The following DNAH2 variants were observed in gnomAD, a reference collection of about 807,000 sequenced individuals.
DNAH2 encodes the protein axonemal beta dynein heavy chain 2.
A neutral mutation model predicts 523.5 loss-of-function variants in DNAH2; 323 were observed. The observed-to-expected ratio is 0.62, with a 90% CI of 0.56 to 0.68. The LOEUF is 0.68. Among genes scored for constraint, DNAH2 ranks in the 30% least tolerant of loss-of-function variants. The pLI, the probability that DNAH2 is intolerant of heterozygous loss-of-function variation, is 0.00. For missense variants in DNAH2, 4,907 were observed against 5,701.5 expected (o/e 0.86, Z 4.49); for synonymous variants, 2,093 against 2,177.4 (o/e 0.96, Z 1.08).
rs1257323535 is a variant in DNAH2 at position 7,780,666 on chromosome 17, G to T, written c.5887G>T (p.Ala1963Ser). The change falls in exon 38 of 86, where the codon GCT becomes TCT. Residue 1963 changes from alanine to serine, a missense_variant. Transcript: ENST00000572933. This position sits in a 1 kb window ranked among gnomAD's most constrained non-coding sequence, Gnocchi z 4.4. ...GAAGGTGTACACACTCTACTCACTGGCTGTGCAGCAGCTGTCCAGACAGGA... is the reference window on the plus strand; with the variant it reads ...GAAGGTGTACACACTCTACTCACTGTCTGTGCAGCAGCTGTCCAGACAGGA... ...AKKVYTLYSL[A>S]VQQLSRQDHY... is the part of the protein sequence containing the mutation. 1.2e-6 allele frequency: 2 copies of T among 1,614,172 alleles called. No individual in the cohort carries two copies. Among genetic ancestry groups the T allele is most frequent in the African/African-American group, 1.3e-5 (1 of 75,054 alleles).
chr17:7,747,964 C>G (rs1205754788), intron 12 of DNAH2, among the ~76,000 whole-genome samples: 2 of 152,172 alleles, frequency 1.3e-5, no homozygotes, highest in Non-Finnish European at 2.9e-5. Flanking sequence ...CAGATTTGCT[C>G]TTTGTGTTCA....
chr17:7,747,977 C>T (rs978414254), intron 12 of DNAH2, among the ~76,000 whole-genome samples: 15 of 152,304 alleles, frequency 9.8e-5, no homozygotes, highest in East Asian at 1.9e-4. Context: ...TGTGTTCAAG[C>T]TCCAGTTAAG....
In DNAH2 at chr17:7,776,926, C is replaced by G. The variant is rs2076469940; in HGVS notation, c.5058+37C>G. ...GGCGCACTGGCTCATGCTTGTAATC[C>G]CAGCACTTTGGGAGGCAGAGGTGGT... On this transcript the variant is annotated intron_variant, in intron 32 of 85. Transcript: ENST00000572933. 4 of 1,554,728 alleles carry G rather than the reference C, an allele frequency of 2.6e-6. No individual in the cohort carries two copies. The African/African-American group carries it at 4.1e-5, about 16-fold the overall frequency.
At chr17:7,739,583 C>T in intron 8 of DNAH2, 150 bp from the exon 9 acceptor site, 1 of 796,444 alleles carries the variant, frequency 1.3e-6, no homozygotes, top group Non-Finnish European at 1.9e-6. Flanking sequence ...TTGGCCCTCC[C>T]TGGTTTTTAG....
intron 49 of DNAH2, among the ~76,000 whole-genome samples, chr17:7,795,422 C>G (rs1243374207): frequency 6.6e-6 from 1 of 151,762 alleles, no homozygotes; most frequent in Non-Finnish European, 1.5e-5. Flanking sequence ...GCTGTAATCC[C>G]AGTACCTTAG....
In DNAH2 at chr17:7,731,886, G is replaced by A. The variant is rs546890313; in HGVS notation, c.400-1201G>A. Among the ~76,000 whole-genome samples, 97 of 151,424 alleles carry A rather than the reference G, an allele frequency of 6.4e-4. 1 individual carries two copies. The highest frequency in any genetic ancestry group is 1.1e-3 in the Admixed American group (17 of 15,196). ...TCTACTAAAAATACAAAAATTAGCC[G>A]GGCGTGGTGGCACATGCTTGTAATC... On this transcript the variant is annotated intron_variant, in intron 4 of 85. Coordinates refer to ENST00000572933, the MANE Select transcript of DNAH2 (RefSeq NM_020877.5).
intron 39 of DNAH2, 86 bp downstream of exon 39, chr17:7,781,253 C>A: frequency 1.4e-6 from 2 of 1,475,374 alleles, no homozygotes; most frequent in South Asian, 2.3e-5. Flanking sequence ...GGTGGGCAGA[C>A]TGTTTGAGTC....
At chr17:7,805,491 G>T in intron 61 of DNAH2, 98 bp downstream of exon 61, 1 of 1,546,994 alleles carries the variant, frequency 6.5e-7, no homozygotes, top group Non-Finnish European at 8.8e-7. Context: ...GATGGATGAG[G>T]CATTGTTCTT....
chr17:7,797,923 A>G, intron 53 of DNAH2, 94 bp downstream of exon 53: 1 of 1,496,514 alleles, frequency 6.7e-7, no homozygotes, highest in South Asian at 1.3e-5. Flanking sequence ...TCCCAAATCA[A>G]GTTCCAGAAG....
At chr17:7,793,333 T>G (rs1438041976) in intron 48 of DNAH2, 128 bp downstream of exon 48, 2 of 941,410 alleles carry the variant, frequency 2.1e-6, no homozygotes, top group Non-Finnish European at 3.1e-6. Context: ...AGCGTCCTTC[T>G]CCATGACAGC....
chr17:7,814,962 C>T (rs1304578246), intron 63 of DNAH2, among the ~76,000 whole-genome samples: 1 of 152,148 alleles, frequency 6.6e-6, no homozygotes, highest in African/African-American at 2.4e-5. Context: ...TAGGTTTTAA[C>T]CTCGTGCATG....
intron 8 of DNAH2, among the ~76,000 whole-genome samples, chr17:7,737,704 G>A (rs2075181278): frequency 6.6e-6 from 1 of 152,192 alleles, no homozygotes; most frequent in Admixed American, 6.5e-5. Flanking sequence ...TGGGAGAAGG[G>A]ACACTGAGCT....
At chr17:7,739,056 A>T in intron 8 of DNAH2, 1 of 698,648 alleles carries the variant, frequency 1.4e-6, no homozygotes, top group Non-Finnish European at 2.6e-6. Context: ...CAGACCCTCC[A>T]GAATCCCTCC....
At chr17:7,767,444 A>C (rs576331530) in intron 22 of DNAH2, among the ~76,000 whole-genome samples, 1 of 152,010 alleles carries the variant, frequency 6.6e-6, no homozygotes, top group East Asian at 1.9e-4. Context: ...TATTCTTGTG[A>C]GTGTAAGCCT....
chr17:7,808,369 G>GAA (rs1210962027), intron 63 of DNAH2, among the ~76,000 whole-genome samples: 4 of 103,244 alleles, frequency 3.9e-5, no homozygotes, highest in Admixed American at 1.0e-4. Flanking sequence ...GACTGTCTCA[G>GAA]AAAAAAAAAA....
chr17:7,828,478 G>T lies in DNAH2; in HGVS notation c.11854-1822G>T, dbSNP rs1262540177. Among the ~76,000 whole-genome samples the T allele has an allele frequency of 2.3e-4, 35 of 152,064 alleles. 1 individual carries two copies. The highest frequency in any genetic ancestry group is 2.2e-3 in the Admixed American group (33 of 15,268). On this transcript the variant is annotated intron_variant, in intron 77 of 85. Coordinates refer to ENST00000572933, the MANE Select transcript of DNAH2 (RefSeq NM_020877.5). The surrounding 1 kb of genome is among the most constrained non-coding windows in gnomAD (Gnocchi z 4.1). ...TTTCCTCTTTTTTTAGACAGAGAGGGTCTTGCTCTATAGCCCAGGTGGAGT... is the reference window on the plus strand; with the variant it reads ...TTTCCTCTTTTTTTAGACAGAGAGGTTCTTGCTCTATAGCCCAGGTGGAGT...
In DNAH2 at chr17:7,780,160, A is replaced by G. The variant is rs2076563985; in HGVS notation, c.5726A>G (p.Tyr1909Cys). The change falls in exon 37 of 86, where the codon TAT (tyrosine) becomes TGT (cysteine). Residue 1909 changes from tyrosine (Y) to cysteine (C), a missense_variant. Tyr to Cys is a radical substitution (Grantham distance 194, BLOSUM62 -2). Transcript: ENST00000572933. The surrounding 1 kb of genome is among the most constrained non-coding windows in gnomAD (Gnocchi z 4.4). ...AGCAAGTGGCATTGTTTTCCAGGCTATGCTGGCCGCACAGAGCTTCCCGAA... is the reference window on the plus strand; with the variant it reads ...AGCAAGTGGCATTGTTTTCCAGGCTGTGCTGGCCGCACAGAGCTTCCCGAA... ...CGIFITMNPG[Y>C]AGRTELPENL... 2 of 1,611,696 alleles carry G rather than the reference A, an allele frequency of 1.2e-6. No individual in the cohort carries two copies. Among genetic ancestry groups the G allele is most frequent in the Non-Finnish European group, 8.5e-7 (1 of 1,179,012 alleles).
chr17:7,757,040 A>T (rs776524215), intron 12 of DNAH2, 51 bp from the exon 13 acceptor site: 1 of 1,608,818 alleles, frequency 6.2e-7, no homozygotes, highest in African/African-American at 1.3e-5. Context: ...TTGTTGCTCT[A>T]GTTTATCCCC....
chr17:7,759,408 C>A lies in DNAH2; in HGVS notation c.2449-14C>A. On this transcript the variant is annotated splice_polypyrimidine_tract_variant and intron_variant, in intron 15 of 85. Transcript: ENST00000572933. ...CCCTGAAAAGTTCTCTTTTTCCTCC[C>A]TCCATCCCATCAGATTCAGCAGCAG... The A allele has an allele frequency of 6.2e-7, 1 of 1,600,540 alleles. No individual in the cohort carries two copies. The highest frequency in any genetic ancestry group is 8.5e-7 in the Non-Finnish European group (1 of 1,171,668).
Sources: gnomAD v4.1 joint callset for allele counts (sites outside exome capture counted in the v4.1 genomes callset) on GRCh38, gnomAD v4.1.1 for gene constraint, Gnocchi (gnomAD v3.1) non-coding constraint, MANE v1.5 for transcripts, NCBI Gene and HGNC (gene_info 2026-07-23, HGNC 2026-07-21) for gene names.